RAPGEF5: variants seen among roughly 807,000 people sequenced by gnomAD.
The protein encoded by RAPGEF5 is Rap guanine nucleotide exchange factor 5.
Under a neutral mutation model 125.2 loss-of-function variants are expected in RAPGEF5, and 65 were observed. The observed-to-expected ratio is 0.52, with a 90% CI of 0.43 to 0.64. RAPGEF5 has a LOEUF of 0.64. RAPGEF5 is among the 30% of genes least tolerant of loss of function. RAPGEF5 has a pLI of 0.00. For synonymous variants in RAPGEF5, 391 were observed against 385.9 expected (o/e 1.01, Z -0.16); for missense variants, 958 against 1,048.1 (o/e 0.91, Z 1.19).
chr7:22,132,884 G>A (rs141579566), intron 23 of RAPGEF5, among the ~76,000 whole-genome samples: 395 of 152,312 alleles, frequency 2.6e-3, no homozygotes, highest in Admixed American at 4.9e-3. Flanking sequence ...CCCCAAGGAC[G>A]TCTATGGCTA....
rs551938378 is a variant in RAPGEF5, at chr7:22,175,979, G to A, written c.1205-8831C>T. On this transcript the variant is annotated intron_variant, in intron 11 of 25. Transcript: ENST00000665637. ...TTACTTTTTTTTCATGTATTAGTAC[G>A]TTCTCATGCTGCTAATAAAGACGTA... 8.6e-5 allele frequency among the ~76,000 whole-genome samples: 13 copies of A among 151,968 alleles called. No homozygotes were observed. The South Asian group carries it at 1.2e-3, about 15-fold the overall frequency.
intron 2 of RAPGEF5, 71 bp downstream of exon 2, chr7:22,317,916 C>G: frequency 6.5e-7 from 1 of 1,537,728 alleles, no homozygotes; most frequent in Non-Finnish European, 8.8e-7. Context: ...ACAACTGTAA[C>G]TTGATAATTG....
chr7:22,352,408 GT>G (rs34609546), intron 1 of RAPGEF5, among the ~76,000 whole-genome samples: 52 of 134,642 alleles, frequency 3.9e-4, no homozygotes, highest in South Asian at 4.9e-4. Context: ...ACGATTGTCA[GT>G]TTAAAAAAAA....
Position 22,122,383 on chromosome 7 carries a change from C to G in RAPGEF5, c.*23G>C. ...CCCGTAGCTCAAAGTGCTGCAGATA[C>G]AGGGGAGGTGAGGCAGTGGGGCTCA... On this transcript the variant is annotated 3_prime_UTR_variant, in exon 26 of 26. Coordinates refer to ENST00000665637, the MANE Select transcript of RAPGEF5 (RefSeq NM_012294.5). 2 of 1,555,624 alleles carry G rather than the reference C, an allele frequency of 1.3e-6. No individual in the cohort carries two copies. The highest frequency in any genetic ancestry group is 2.2e-5 in the East Asian group (1 of 44,536).
chr7:22,125,650 G>T lies in RAPGEF5; in HGVS notation c.2490C>A (p.Ile830=), dbSNP rs763409889. The T allele has an allele frequency of 1.2e-6, 2 of 1,610,836 alleles. No individual in the cohort carries two copies. The highest frequency in any genetic ancestry group is 1.7e-4 in the Middle Eastern group (1 of 6,052). The change falls in exon 25 of 26, where the codon ATC becomes ATA. Residue 830 remains isoleucine, a synonymous_variant. Transcript: ENST00000665637. ...GTCTCAGGGTTCGGACAGTGTCTGC[G>T]ATCATATGCTGTAAAGTAGAACAGG... is the stretch of plus-strand genomic sequence containing the variant. ...NLVNFEKLHM[I]ADTVRTLRHC...
chr7:22,263,055 A>G (rs766438572), intron 7 of RAPGEF5, among the ~76,000 whole-genome samples: 13 of 152,258 alleles, frequency 8.5e-5, no homozygotes, highest in Non-Finnish European at 1.9e-4. Flanking sequence ...ATGTGAAAAG[A>G]GCCCATTTCA....
intron 1 of RAPGEF5, among the ~76,000 whole-genome samples, chr7:22,352,013 AG>A (rs1303081960): frequency 6.6e-6 from 1 of 152,198 alleles, no homozygotes; most frequent in East Asian, 1.9e-4. Flanking sequence ...TGGCTAGTGA[AG>A]GGTGGTTAAA....
At chr7:22,340,035 G>T (rs1784096614) in intron 1 of RAPGEF5, among the ~76,000 whole-genome samples, 1 of 152,092 alleles carries the variant, frequency 6.6e-6, no homozygotes, top group Admixed American at 6.5e-5. Flanking sequence ...GATTGGGTGG[G>T]GTGAGGGCTT....
intron 9 of RAPGEF5, among the ~76,000 whole-genome samples, chr7:22,201,370 G>A (rs1785273061): frequency 6.6e-6 from 1 of 152,232 alleles, no homozygotes; most frequent in South Asian, 2.1e-4. Context: ...GTGAGGACTC[G>A]CTGTCCCAGC....
At chr7:22,260,275 C>G (rs1583526445) in intron 7 of RAPGEF5, among the ~76,000 whole-genome samples, 1 of 152,070 alleles carries the variant, frequency 6.6e-6, no homozygotes, top group African/African-American at 2.4e-5. Flanking sequence ...AAACTATGGA[C>G]TTTGGGTGAT....
intron 23 of RAPGEF5, 125 bp downstream of exon 23, chr7:22,135,913 T>C (rs1783064991): frequency 1.5e-6 from 1 of 660,720 alleles, no homozygotes; most frequent in African/African-American, 1.8e-5. Flanking sequence ...GGCAACACAA[T>C]TAGGTCTGAA....
chr7:22,291,306 A>G (rs542799919), intron 5 of RAPGEF5, 65 bp from the exon 6 acceptor site: 1 of 1,489,266 alleles, frequency 6.7e-7, no homozygotes, highest in East Asian at 2.5e-5. Flanking sequence ...CTACCAAGTT[A>G]GGAAGAATAA....
intron 5 of RAPGEF5, among the ~76,000 whole-genome samples, chr7:22,297,410 T>C (rs115313119): frequency 1.1e-3 from 166 of 152,298 alleles, no homozygotes; most frequent in African/African-American, 3.9e-3. Context: ...AATGTTCCTT[T>C]CAATGAAATA....
At chr7:22,150,837 C>T (rs1783602889) in intron 17 of RAPGEF5, among the ~76,000 whole-genome samples, 1 of 152,170 alleles carries the variant, frequency 6.6e-6, no homozygotes, top group African/African-American at 2.4e-5. Flanking sequence ...ACTGGTTACA[C>T]TTAGGTCTAT....
intron 9 of RAPGEF5, among the ~76,000 whole-genome samples, chr7:22,206,526 G>T (rs555495650): frequency 5.9e-5 from 9 of 151,490 alleles, no homozygotes; most frequent in African/African-American, 2.2e-4. Context: ...ACATAGTGAG[G>T]CCTTGTCTCT....
chr7:22,128,058 A>T (rs1387538872), intron 24 of RAPGEF5, among the ~76,000 whole-genome samples: 1 of 152,142 alleles, frequency 6.6e-6, no homozygotes, highest in African/African-American at 2.4e-5. Flanking sequence ...CTGGCGTCAC[A>T]TTGATTTCTA....
At position 22,340,112 on chromosome 7, in the gene RAPGEF5, C is replaced by A. The variant is rs144706013; in HGVS notation, c.231+16718G>T. ...AAACTCCTGAAAAGGGCATCAAGCA[C>A]CCTCTCCCATTCCAAATGGAGCCCT... On this transcript the variant is annotated intron_variant, in intron 1 of 25. Transcript: ENST00000665637. 3.6e-4 allele frequency among the ~76,000 whole-genome samples: 55 copies of A among 152,290 alleles called. 1 individual carries two copies. The East Asian group carries it at 0.011, about 29-fold the overall frequency.
intron 1 of RAPGEF5, among the ~76,000 whole-genome samples, chr7:22,322,849 T>A (rs555817049): frequency 6.6e-6 from 1 of 152,334 alleles, no homozygotes; most frequent in African/African-American, 2.4e-5. Flanking sequence ...CAGGTGGTTC[T>A]AAGGTGCAGC....
chr7:22,242,708 T>C (rs938855095), intron 7 of RAPGEF5, among the ~76,000 whole-genome samples: 5 of 151,870 alleles, frequency 3.3e-5, no homozygotes, highest in East Asian at 1.9e-4. Context: ...TCCTAGCACT[T>C]TGGGAGGCCG....
Sources: allele counts gnomAD v4.1 joint callset (sites outside exome capture counted in the v4.1 genomes callset), GRCh38; gene constraint gnomAD v4.1.1; transcripts MANE v1.5; gene names NCBI Gene and HGNC (gene_info 2026-07-23, HGNC 2026-07-21).